The following ADGRL2 variants were observed in gnomAD, a reference collection of about 807,000 sequenced individuals.
ADGRL2 encodes the protein adhesion G protein-coupled receptor L2, also known as calcium-independent alpha-latrotoxin receptor 2.
ADGRL2 carries 44 observed loss-of-function variants against 157.4 expected under a neutral mutation model. That is an observed-to-expected ratio of 0.28 (90% CI 0.22 to 0.36). ADGRL2 has a LOEUF of 0.36. Ranked by LOEUF, ADGRL2 falls within the 10% of genes least tolerant of loss-of-function variation. The pLI is 1.00. For missense variants in ADGRL2, 1,510 were observed against 1,768.9 expected (o/e 0.85, Z 2.63); for synonymous variants, 585 against 624.7 (o/e 0.94, Z 0.95).
At chr1:81,366,600 C>T (rs1337618377) in intron 1 of ADGRL2, among the ~76,000 whole-genome samples, 2 of 152,144 alleles carry the variant, frequency 1.3e-5, no homozygotes, top group Non-Finnish European at 2.9e-5. Context: ...ATCTCTTAAA[C>T]TCTCCTGCCC....
chr1:81,691,665 A>G (rs1163579781), intron 3 of ADGRL2, among the ~76,000 whole-genome samples: 1 of 151,430 alleles, frequency 6.6e-6, no homozygotes, highest in Non-Finnish European at 1.5e-5. Flanking sequence ...CACTTAGCTA[A>G]TTTTGTATTT....
intron 3 of ADGRL2, among the ~76,000 whole-genome samples, chr1:81,648,668 A>G (rs909681838): frequency 6.6e-6 from 1 of 152,108 alleles, no homozygotes; most frequent in Non-Finnish European, 1.5e-5. Flanking sequence ...TGCTTGAAGG[A>G]TGGGTTAGCT....
At chr1:81,908,308 C>T (rs1320004445) in intron 3 of ADGRL2, among the ~76,000 whole-genome samples, 3 of 152,160 alleles carry the variant, frequency 2.0e-5, no homozygotes, top group Non-Finnish European at 4.4e-5. Context: ...ATCCTCTGTC[C>T]TTGGCCTGTT....
intron 11 of ADGRL2, among the ~76,000 whole-genome samples, chr1:81,956,679 T>G (rs1460236903): frequency 6.6e-6 from 1 of 152,324 alleles, no homozygotes; most frequent in East Asian, 1.9e-4. Context: ...AGTAAAATTT[T>G]ATTAATTTAG....
At chr1:81,863,459 A>G (rs1350732202) in intron 2 of ADGRL2, among the ~76,000 whole-genome samples, 2 of 152,096 alleles carry the variant, frequency 1.3e-5, no homozygotes, top group Non-Finnish European at 2.9e-5. Flanking sequence ...CTCTAAAATT[A>G]TAGTTGGCAA....
chr1:81,884,018 G>A (rs7515540), intron 2 of ADGRL2, among the ~76,000 whole-genome samples: 18,913 of 146,640 alleles, frequency 0.13, 1,291 homozygotes, highest in Admixed American at 0.21. Flanking sequence ...TAGGATACAT[G>A]TCTTACTTTG....
At chr1:81,583,774 T>C (rs978155888) in intron 3 of ADGRL2, among the ~76,000 whole-genome samples, 1 of 152,310 alleles carries the variant, frequency 6.6e-6, no homozygotes, top group East Asian at 1.9e-4. Context: ...CTTACCCTAT[T>C]GTAAAGTAAG....
intron 2 of ADGRL2, among the ~76,000 whole-genome samples, chr1:81,507,322 G>A (rs79355345): frequency 4.6e-4 from 70 of 152,188 alleles, no homozygotes; most frequent in African/African-American, 1.7e-3. Context: ...GTTCTACAAG[G>A]CGGCACTAGC....
chr1:81,429,119 T>G (rs1346612422), intron 1 of ADGRL2, among the ~76,000 whole-genome samples: 1 of 129,768 alleles, frequency 7.7e-6, no homozygotes. Flanking sequence ...GAACTACCCA[T>G]GAGGCATTTC....
chr1:81,801,086 C>T lies in ADGRL2; in HGVS notation c.-101+18C>T, dbSNP rs2088012282. ...TCGAGCCCGTAAGTATCCCCTTTCG[C>T]TCCTCCTCCCCGCCGCTTGGGCGCA... On this transcript the variant is annotated intron_variant, in intron 1 of 23. Coordinates refer to ENST00000686636, the MANE Select transcript of ADGRL2 (RefSeq NM_001366006.2). Among the ~76,000 whole-genome samples, 2 of 152,040 alleles carry T rather than the reference C, an allele frequency of 1.3e-5. No individual in the cohort carries two copies. The highest frequency in any genetic ancestry group is 1.3e-4 in the Admixed American group (2 of 15,260).
chr1:81,752,326 C>A (rs2085516570), intron 1 of ADGRL2, among the ~76,000 whole-genome samples: 2 of 152,116 alleles, frequency 1.3e-5, no homozygotes, highest in Admixed American at 1.3e-4. Flanking sequence ...TATAAGTCAC[C>A]CATTTGATGA....
intron 3 of ADGRL2, among the ~76,000 whole-genome samples, chr1:81,618,347 C>T (rs1041335849): frequency 1.3e-5 from 2 of 152,100 alleles, no homozygotes; most frequent in Admixed American, 1.3e-4. Flanking sequence ...TACACTGTTC[C>T]CTATCCACTC....
At chr1:81,760,247 T>G (rs913102502) in intron 1 of ADGRL2, among the ~76,000 whole-genome samples, 1 of 152,188 alleles carries the variant, frequency 6.6e-6, no homozygotes. Flanking sequence ...GTTTGGCTCA[T>G]AGAGAAATGA....
At chr1:81,403,456 G>C (rs1373119856) in intron 1 of ADGRL2, among the ~76,000 whole-genome samples, 1 of 151,920 alleles carries the variant, frequency 6.6e-6, no homozygotes, top group East Asian at 1.9e-4. Context: ...ATTAGAGATG[G>C]GGTTTCACAA....
chr1:81,654,616 A>C (rs1374308219), intron 3 of ADGRL2, among the ~76,000 whole-genome samples: 1 of 152,202 alleles, frequency 6.6e-6, no homozygotes, highest in Non-Finnish European at 1.5e-5. Context: ...AAGAGCCTTC[A>C]TGCTTTGGCT....
intron 18 of ADGRL2, chr1:81,980,974 A>C: frequency 2.2e-6 from 1 of 455,574 alleles, no homozygotes; most frequent in East Asian, 3.4e-5. Context: ...TTAAACTATA[A>C]TATGCCTTTA....
intron 1 of ADGRL2, among the ~76,000 whole-genome samples, chr1:81,314,739 G>C (rs1659991217): frequency 6.6e-6 from 1 of 152,090 alleles, no homozygotes; most frequent in Non-Finnish European, 1.5e-5. Context: ...CACATGCTGT[G>C]GCAGAATTTC....
intron 3 of ADGRL2, among the ~76,000 whole-genome samples, chr1:81,680,198 T>G (rs866168286): frequency 4.9e-4 from 75 of 152,286 alleles, no homozygotes; most frequent in African/African-American, 1.8e-3. Flanking sequence ...AGCCCTTTGT[T>G]ACAATGTGCA....
At chr1:81,853,593 T>C (rs913882729) in intron 2 of ADGRL2, among the ~76,000 whole-genome samples, 3 of 152,174 alleles carry the variant, frequency 2.0e-5, no homozygotes, top group Non-Finnish European at 2.9e-5. Flanking sequence ...AAAAACTTTA[T>C]GATTTGCAAC....
Sources: allele counts gnomAD v4.1 joint callset (sites outside exome capture counted in the v4.1 genomes callset), GRCh38; gene constraint gnomAD v4.1.1; transcripts MANE v1.5; gene names NCBI Gene and HGNC (gene_info 2026-07-23, HGNC 2026-07-21).